The following COL4A4 variants were observed in gnomAD, a reference collection of about 807,000 sequenced individuals.
COL4A4 encodes collagen type IV alpha 4 chain, also known as collagen alpha-4(IV) chain.
A neutral mutation model predicts 192.9 loss-of-function variants in COL4A4; 105 were observed. The ratio of observed to expected loss-of-function variants is 0.54; its 90% confidence interval spans 0.46 to 0.64. The LOEUF (loss-of-function observed/expected upper bound fraction) is 0.64, where lower values mean the gene tolerates loss of function less well. Among genes scored for constraint, COL4A4 ranks in the 30% least tolerant of loss-of-function variants. The pLI, the probability that COL4A4 is intolerant of heterozygous loss-of-function variation, is 0.00. For synonymous variants in COL4A4, 762 were observed against 769.9 expected, an observed-to-expected ratio of 0.99 and a Z score of 0.17; for missense variants, 1,967 against 2,169.3, an observed-to-expected ratio of 0.91 and a Z score of 1.85.
At chr2:227,032,367 G>A in intron 38 of COL4A4, 91 bp from the exon 39 acceptor site, 1 of 1,457,514 alleles carries the variant, frequency 6.9e-7, no homozygotes, top group Non-Finnish European at 9.4e-7. Context: ...AATAGCGGCA[G>A]AGGAGTGGCT....
chr2:227,142,506 C>A (rs545374973), intron 3 of COL4A4, among the ~76,000 whole-genome samples: 1 of 152,226 alleles, frequency 6.6e-6, no homozygotes, highest in African/African-American at 2.4e-5. Context: ...GTAATCCCAG[C>A]ACTTTGGGAG....
intron 32 of COL4A4, 21 bp from the exon 33 acceptor site, chr2:227,051,179 A>G (rs201506979): frequency 1.2e-6 from 2 of 1,613,700 alleles, no homozygotes; most frequent in African/African-American, 1.3e-5. Context: ...TGGAAGTGTT[A>G]CAGGTCTCTG....
chr2:227,130,287 T>C (rs1298892412), intron 4 of COL4A4, among the ~76,000 whole-genome samples: 2 of 152,222 alleles, frequency 1.3e-5, no homozygotes, highest in Non-Finnish European at 2.9e-5. Context: ...GGAAGAACCC[T>C]GCACTGAGAA....
intron 42 of COL4A4, among the ~76,000 whole-genome samples, chr2:227,026,356 C>T (rs184984568): frequency 2.0e-5 from 3 of 151,844 alleles, no homozygotes; most frequent in Non-Finnish European, 4.4e-5. Flanking sequence ...AAATTAGCTG[C>T]GTGAGGTGGC....
downstream of COL4A4, among the ~76,000 whole-genome samples, chr2:227,000,880 G>A (rs551094540): frequency 6.8e-4 from 104 of 152,098 alleles, 2 homozygotes; most frequent in South Asian, 5.0e-3. Flanking sequence ...TTTGAAAAGG[G>A]GAGCTTCCCT....
intron 21 of COL4A4, among the ~76,000 whole-genome samples, chr2:227,089,113 AACGTTAAAAAT>A: frequency 6.6e-6 from 1 of 152,314 alleles, no homozygotes; most frequent in Non-Finnish European, 1.5e-5. Context: ...CTACTGAAGA[AACGTTAAAAAT>A]AATTCAACTT....
chr2:227,054,638 C>A lies in COL4A4; in HGVS notation c.2816G>T (p.Gly939Val), dbSNP rs1974895018. 6.2e-7 allele frequency: 1 copy of A among 1,614,176 alleles called. No individual in the cohort carries two copies. The highest frequency in any genetic ancestry group is 8.5e-7 in the Non-Finnish European group (1 of 1,179,998). Reference sequence around the variant, plus strand: ...CCGGTCTCCAGGAAGGCCAGACATGCCCTTCTCTCCAGGTTCTCCCTTTGC... The same window carrying A: ...CCGGTCTCCAGGAAGGCCAGACATGACCTTCTCTCCAGGTTCTCCCTTTGC... ...PGAKGEPGEK[G>V]MSGLPGDRGL... The change falls in exon 31 of 48, where the codon GGC becomes GTC. Residue 939 changes from glycine to valine, a missense_variant. Transcript: ENST00000396625.
rs1176472546 is a variant in COL4A4 at position 227,006,113 on chromosome 2, A to G, written c.*1212T>C. The G allele has an allele frequency of 6.6e-6, 1 of 152,668 alleles. No homozygotes were observed. Among genetic ancestry groups the G allele is most frequent in the African/African-American group, 2.4e-5 (1 of 41,470 alleles). The allele number at this position is 152,668 out of a possible 1,614,324, so 9.5% of individuals were successfully genotyped here. A position where few individuals can be genotyped will look rare whatever the true frequency, so the allele number is the denominator to read the frequency against. On this transcript the variant is annotated 3_prime_UTR_variant, in exon 48 of 48. Coordinates refer to ENST00000396625, the MANE Select transcript of COL4A4 (RefSeq NM_000092.5). ...AGCCAACCACGGGAGCATAAAATTCAAATTATAAATTGTCTTTGTTTCGTT... is the reference window on the plus strand; with the variant it reads ...AGCCAACCACGGGAGCATAAAATTCGAATTATAAATTGTCTTTGTTTCGTT...
intron 25 of COL4A4, among the ~76,000 whole-genome samples, chr2:227,067,169 A>G (rs189293505): frequency 2.0e-5 from 3 of 152,306 alleles, no homozygotes; most frequent in South Asian, 2.1e-4. Flanking sequence ...AGAGCTAACT[A>G]TCCTAAATAT....
chr2:227,108,587 T>A lies in COL4A4; in HGVS notation c.729A>T (p.Gly243=), dbSNP rs775633190. ...NPGVGVKGQM[G]DPGEVGQQGS... is the part of the protein sequence containing the mutation. ...AGCAAGAGGGAATTCTTACCGGGTC[T>A]CCCATTTGCCCCTTTACTCCCACAC... Residue 243 remains glycine, a synonymous_variant, in exon 12 of 48, where the codon GGA becomes GGT. Transcript: ENST00000396625. 6.2e-7 allele frequency: 1 copy of A among 1,613,902 alleles called. No homozygotes were observed. The highest frequency in any genetic ancestry group is 1.1e-5 in the South Asian group (1 of 91,070).
At chr2:226,972,099 C>G in the COL4A4 span, among the ~76,000 whole-genome samples, 1 of 152,022 alleles carries the variant, frequency 6.6e-6, no homozygotes, top group Non-Finnish European at 1.5e-5. Flanking sequence ...TCCCAACAGG[C>G]CTTGGTGTGT....
Position 227,123,305 on chromosome 2 carries a change from C to T in COL4A4, c.193-2157G>A, listed in dbSNP as rs144264499. 6.0e-3 allele frequency among the ~76,000 whole-genome samples: 912 copies of T among 152,304 alleles called. 7 individuals are homozygous for T. Among genetic ancestry groups the T allele is most frequent in the African/African-American group, 0.021 (856 of 41,558 alleles). Reference sequence around the variant, plus strand: ...AATAGCAAGAGAAACCGGAAATCCACGGGAAAGGCACCAACCTGAGACTCA... The same window carrying T: ...AATAGCAAGAGAAACCGGAAATCCATGGGAAAGGCACCAACCTGAGACTCA... On this transcript the variant is annotated intron_variant, in intron 4 of 47. Coordinates refer to ENST00000396625, the MANE Select transcript of COL4A4 (RefSeq NM_000092.5). The surrounding 1 kb of genome is among the most constrained non-coding windows in gnomAD (Gnocchi z 4.6).
chr2:227,032,232 G>C lies in COL4A4; in HGVS notation c.3622C>G (p.Leu1208Val), dbSNP rs780290586. The change falls in exon 39 of 48, where the codon CTA becomes GTA. Residue 1208 changes from leucine to valine, a missense_variant. Physicochemically the swap from Leu to Val is conservative, Grantham distance 32. Coordinates refer to ENST00000396625, the MANE Select transcript of COL4A4 (RefSeq NM_000092.5). The stretch of plus-strand genomic sequence containing the variant: ...CCAGGGTCTCCTCTCTCCCCTTTTA[G>C]CCCAGGTATTCCCACTGGACCAGGT... ...GPPGPVGIPG[L>V]KGERGDPGSP... The C allele has an allele frequency of 3.4e-5, 55 of 1,613,888 alleles. No homozygotes were observed. Among genetic ancestry groups the C allele is most frequent in the Non-Finnish European group, 4.5e-5 (53 of 1,179,930 alleles).
chr2:226,989,971 G>A, the COL4A4 span, among the ~76,000 whole-genome samples: 3 of 152,182 alleles, frequency 2.0e-5, no homozygotes, highest in African/African-American at 7.2e-5. Context: ...ATTGATTGAA[G>A]GATAGAAATG....
In COL4A4 at chr2:227,005,198, GTGT is replaced by G. The variant is rs1961837541; in HGVS notation, c.*2124_*2126del. On this transcript the variant is annotated 3_prime_UTR_variant, in exon 48 of 48. Coordinates refer to ENST00000396625, the MANE Select transcript of COL4A4 (RefSeq NM_000092.5). ...TGTCTACATAATTTAGCCTGTCTTT[GTGT>G]GGGTTTTTTTTTTTTACTTATTTAT... 4 of 132,200 alleles carry G rather than the reference GTGT, an allele frequency of 3.0e-5. No homozygotes were observed. Among genetic ancestry groups the G allele is most frequent in the South Asian group, 2.7e-4 (1 of 3,710 alleles). The allele number at this position is 132,200 out of a possible 1,614,324, so 8.2% of individuals were successfully genotyped here. A position where few individuals can be genotyped will look rare whatever the true frequency, so the allele number is the denominator to read the frequency against.
At chr2:227,000,055 C>T (rs1960534559), downstream of COL4A4, among the ~76,000 whole-genome samples, 2 of 152,188 alleles carry the variant, frequency 1.3e-5, no homozygotes, top group Admixed American at 6.5e-5. Context: ...CTGCCTCTGA[C>T]CTTGAGATAC....
intron 3 of COL4A4, 79 bp from the exon 4 acceptor site, chr2:227,140,317 A>G (rs2063116423): frequency 6.6e-6 from 8 of 1,216,844 alleles, no homozygotes; most frequent in African/African-American, 1.5e-5. Context: ...TATAACAAGC[A>G]CTCTTGGTTT....
chr2:227,161,328 G>A (rs1361834566), intron 1 of COL4A4, among the ~76,000 whole-genome samples: 3 of 152,118 alleles, frequency 2.0e-5, no homozygotes, highest in Non-Finnish European at 4.4e-5. Flanking sequence ...AAATTACATA[G>A]GACTTGTCAA....
In COL4A4 at chr2:227,045,919, ATG is replaced by A. The variant is rs1274617840; in HGVS notation, c.3289+1554_3289+1555del. The stretch of plus-strand genomic sequence containing the variant: ...TTAGATAGTATATATATGTATGTAT[ATG>A]TATATGTATATATGTATATATGTAT... On this transcript the variant is annotated intron_variant, in intron 35 of 47. Coordinates refer to ENST00000396625, the MANE Select transcript of COL4A4 (RefSeq NM_000092.5). Among the ~76,000 whole-genome samples the A allele has an allele frequency of 9.3e-3, 870 of 93,604 alleles. 65 individuals are homozygous for A. The highest frequency in any genetic ancestry group is 0.015 in the African/African-American group (295 of 19,726). The allele number at this position is 93,604 out of a possible 152,430, so 61.4% of individuals were successfully genotyped here. A position where few individuals can be genotyped will look rare whatever the true frequency, so the allele number is the denominator to read the frequency against.
Sources: allele counts gnomAD v4.1 joint callset (sites outside exome capture counted in the v4.1 genomes callset), GRCh38; gene constraint gnomAD v4.1.1; non-coding constraint Gnocchi (gnomAD v3.1); transcripts MANE v1.5; gene names NCBI Gene and HGNC (gene_info 2026-07-23, HGNC 2026-07-21).